The following MAST4 variants were observed in gnomAD, a reference collection of about 807,000 sequenced individuals.
The protein encoded by MAST4 is microtubule associated serine/threonine kinase family member 4.
In MAST4, 89 loss-of-function variants were observed where a neutral mutation model predicts 162.7. The ratio of observed to expected loss-of-function variants is 0.55; its 90% CI spans 0.46 to 0.65. The LOEUF is 0.65. MAST4 is among the 30% of genes least tolerant of loss of function. The pLI, the probability that MAST4 is intolerant of heterozygous loss-of-function variation, is 0.00. For synonymous variants in MAST4, 1,479 were observed against 1,361.1 expected (o/e 1.09, Z -1.91); for missense variants, 3,153 against 3,374.0 (o/e 0.93, Z 1.62).
intron 4 of MAST4, among the ~76,000 whole-genome samples, chr5:66,970,897 G>A (rs573106842): frequency 2.0e-5 from 3 of 152,252 alleles, no homozygotes; most frequent in South Asian, 2.1e-4. Flanking sequence ...GCCCAGATGC[G>A]GATTGATGTA....
chr5:67,027,665 A>C (rs755223939), intron 4 of MAST4, among the ~76,000 whole-genome samples: 11 of 152,214 alleles, frequency 7.2e-5, no homozygotes, highest in Non-Finnish European at 1.2e-4. Flanking sequence ...TTTTCAGTCT[A>C]AAAACATGTT....
chr5:66,681,467 A>C (rs2149485007), intron 1 of MAST4, among the ~76,000 whole-genome samples: 1 of 152,284 alleles, frequency 6.6e-6, no homozygotes, highest in East Asian at 1.9e-4. Flanking sequence ...CCTACTCCAG[A>C]GTGACTGAGT....
At chr5:66,648,829 T>C (rs764169542) in intron 1 of MAST4, among the ~76,000 whole-genome samples, 28 of 152,324 alleles carry the variant, frequency 1.8e-4, no homozygotes, top group Admixed American at 2.0e-4. Flanking sequence ...GTCATACTTG[T>C]AGAATTAGTT....
intron 4 of MAST4, among the ~76,000 whole-genome samples, chr5:66,982,211 T>G (rs1428680218): frequency 1.3e-5 from 2 of 152,190 alleles, no homozygotes; most frequent in Non-Finnish European, 2.9e-5. Flanking sequence ...TGTTCTTTTT[T>G]CCTTTTACAT....
chr5:67,123,587 G>A (rs965440357), intron 14 of MAST4, among the ~76,000 whole-genome samples: 1 of 151,998 alleles, frequency 6.6e-6, no homozygotes. Context: ...ATTCTAAGTG[G>A]AGCTCTCTTC....
chr5:66,606,021 A>G (rs1202176615), intron 1 of MAST4, among the ~76,000 whole-genome samples: 1 of 152,204 alleles, frequency 6.6e-6, no homozygotes, highest in East Asian at 1.9e-4. Context: ...TGCTAAAATC[A>G]TATCATTTTA....
intron 1 of MAST4, among the ~76,000 whole-genome samples, chr5:66,685,432 TA>T (rs1223898620): frequency 6.6e-6 from 1 of 152,066 alleles, no homozygotes; most frequent in Non-Finnish European, 1.5e-5. Context: ...AAGAAATTCA[TA>T]GGGATTAACA....
intron 1 of MAST4, among the ~76,000 whole-genome samples, chr5:66,719,577 G>T (rs1259097743): frequency 6.6e-6 from 1 of 151,692 alleles, no homozygotes; most frequent in Non-Finnish European, 1.5e-5. Context: ...TTAAGTTCTG[G>T]GATACATGTG....
chr5:66,960,186 A>G (rs12518835), intron 4 of MAST4, among the ~76,000 whole-genome samples: 12,729 of 152,288 alleles, frequency 0.084, 686 homozygotes, highest in Admixed American at 0.15. Context: ...GTCTGCAGAA[A>G]GAGACTGCAG....
intron 3 of MAST4, among the ~76,000 whole-genome samples, chr5:66,837,892 ATATTTTTTTTTTTTT>A (rs1370864587): frequency 3.8e-3 from 134 of 35,012 alleles, no homozygotes; most frequent in African/African-American, 0.012. Flanking sequence ...ATATATATAT[ATATTTTTTTTTTTTT>A]TTTTTTTTTT....
chr5:66,846,204 A>G (rs1348863885), intron 3 of MAST4, among the ~76,000 whole-genome samples: 2 of 152,200 alleles, frequency 1.3e-5, no homozygotes, highest in Non-Finnish European at 2.9e-5. Flanking sequence ...GCCTCTCTGA[A>G]GCAGGCCAGA....
chr5:66,950,020 T>C (rs956521798), intron 4 of MAST4, among the ~76,000 whole-genome samples: 2 of 152,140 alleles, frequency 1.3e-5, no homozygotes, highest in African/African-American at 4.8e-5. Context: ...TTGGAGAATT[T>C]TCACAAACTG....
Position 66,780,955 on chromosome 5 carries a change from C to T in MAST4, c.518-7715C>T, listed in dbSNP as rs576885609. ...CCCAGGAAGGTCCAGCTGGCTTCACCTCTCAATACAATATCTCACCTTTTG... is the reference window on the plus strand; with the variant it reads ...CCCAGGAAGGTCCAGCTGGCTTCACTTCTCAATACAATATCTCACCTTTTG... On this transcript the variant is annotated intron_variant, in intron 2 of 28. Transcript: ENST00000403625. Among the ~76,000 whole-genome samples the T allele has an allele frequency of 2.0e-5, 3 of 152,338 alleles. No homozygotes were observed. The South Asian group carries it at 6.2e-4, about 32-fold the overall frequency.
intron 4 of MAST4, among the ~76,000 whole-genome samples, chr5:67,022,466 A>G (rs1342107538): frequency 6.6e-6 from 1 of 152,148 alleles, no homozygotes; most frequent in African/African-American, 2.4e-5. Context: ...TTTGGAATGA[A>G]CATTGCATAT....
chr5:66,981,962 CAT>C (rs1346704929), intron 4 of MAST4, among the ~76,000 whole-genome samples: 3 of 152,158 alleles, frequency 2.0e-5, no homozygotes, highest in Non-Finnish European at 4.4e-5. Context: ...AACTTTATCC[CAT>C]GATTTTTTAT....
intron 1 of MAST4, among the ~76,000 whole-genome samples, chr5:66,716,894 T>C (rs1171571884): frequency 5.9e-5 from 9 of 152,198 alleles, no homozygotes; most frequent in Non-Finnish European, 4.4e-5. Flanking sequence ...TTTGACTGAA[T>C]TCCCAATAAG....
At chr5:66,649,913 A>G (rs181414976) in intron 1 of MAST4, among the ~76,000 whole-genome samples, 1 of 151,994 alleles carries the variant, frequency 6.6e-6, no homozygotes, top group East Asian at 1.9e-4. Flanking sequence ...TTGGGGCATG[A>G]CATTTTATCA....
intron 3 of MAST4, among the ~76,000 whole-genome samples, chr5:66,873,832 A>G (rs1401284980): frequency 6.6e-6 from 1 of 152,122 alleles, no homozygotes; most frequent in Non-Finnish European, 1.5e-5. Context: ...CTCTCTACAC[A>G]TGTCATTCCT....
Position 66,730,347 on chromosome 5 carries a change from A to G in MAST4, c.364-29362A>G, listed in dbSNP as rs563598923. Among the ~76,000 whole-genome samples, 5 of 152,278 alleles carry G rather than the reference A, an allele frequency of 3.3e-5. No individual in the cohort carries two copies. The East Asian group carries it at 9.6e-4, about 29-fold the overall frequency. On this transcript the variant is annotated intron_variant, in intron 1 of 28. Transcript: ENST00000403625. ...TGATGTCAACTACTGATGAAGATGA[A>G]TAGGTAATTCTTTTCTCAATTTATA... is the stretch of plus-strand genomic sequence containing the variant.
Sources: gnomAD v4.1 joint callset for allele counts (sites outside exome capture counted in the v4.1 genomes callset) on GRCh38, gnomAD v4.1.1 for gene constraint, MANE v1.5 for transcripts, NCBI Gene and HGNC (gene_info 2026-07-23, HGNC 2026-07-21) for gene names.